LRP1B: variants seen among roughly 807,000 people sequenced by gnomAD.
LRP1B encodes low-density lipoprotein receptor-related protein 1B.
In LRP1B, 217 loss-of-function variants were observed where a neutral mutation model predicts 556.6. The ratio of observed to expected loss-of-function variants is 0.39; its 90% CI spans 0.35 to 0.44. The LOEUF is 0.44. Among genes scored for constraint, LRP1B ranks in the 20% least tolerant of loss-of-function variants. LRP1B has a pLI of 1.00. For synonymous variants in LRP1B, 2,047 were observed against 1,865.8 expected, an observed-to-expected ratio of 1.10 and a Z score of -2.50; for missense variants, 5,053 against 5,620.8, an observed-to-expected ratio of 0.90 and a Z score of 3.23.
At chr2:141,562,414 G>A (rs966676523) in intron 2 of LRP1B, among the ~76,000 whole-genome samples, 1 of 151,870 alleles carries the variant, frequency 6.6e-6, no homozygotes, top group Non-Finnish European at 1.5e-5. Context: ...TACTCCCTCA[G>A]TATAGTACTA....
At chr2:140,405,996 A>G (rs904133223) in intron 66 of LRP1B, among the ~76,000 whole-genome samples, 9 of 152,204 alleles carry the variant, frequency 5.9e-5, no homozygotes, top group African/African-American at 2.2e-4. Context: ...ATACATCATG[A>G]GCAAGTGTGT....
intron 81 of LRP1B, among the ~76,000 whole-genome samples, chr2:140,323,432 G>T (rs1035107396): frequency 1.3e-5 from 2 of 151,770 alleles, no homozygotes; most frequent in African/African-American, 2.4e-5. Flanking sequence ...GAGTCAAAAT[G>T]GCTAACAATA....
At chr2:140,325,665 C>T (rs2105063589) in intron 80 of LRP1B, 97 bp downstream of exon 80, 1 of 766,872 alleles carries the variant, frequency 1.3e-6, no homozygotes, top group East Asian at 2.8e-5. Flanking sequence ...TTAAGAAAAT[C>T]CAGAATGCAA....
chr2:142,024,923 CAAAT>C (rs577881563), intron 1 of LRP1B, among the ~76,000 whole-genome samples: 60 of 152,042 alleles, frequency 3.9e-4, no homozygotes, highest in African/African-American at 1.4e-3. Flanking sequence ...AAAGAGAATA[CAAAT>C]AAATAGTGTT....
intron 11 of LRP1B, among the ~76,000 whole-genome samples, chr2:141,025,563 A>G (rs1364761940): frequency 6.6e-6 from 1 of 152,078 alleles, no homozygotes; most frequent in Admixed American, 6.6e-5. Context: ...AGGCCTTAAG[A>G]ATAGATTGGG....
intron 2 of LRP1B, among the ~76,000 whole-genome samples, chr2:141,518,636 G>C (rs1172478965): frequency 1.1e-4 from 16 of 152,158 alleles, no homozygotes; most frequent in Non-Finnish European, 1.5e-4. Flanking sequence ...CTTCCAACGT[G>C]AGTGGTGATA....
chr2:141,862,845 A>G (rs1698292016), intron 1 of LRP1B, among the ~76,000 whole-genome samples: 1 of 152,234 alleles, frequency 6.6e-6, no homozygotes, highest in Non-Finnish European at 1.5e-5. Flanking sequence ...GAATACACCC[A>G]CAAATTTCCC....
chr2:141,131,877 A>G (rs1230893942), intron 7 of LRP1B, among the ~76,000 whole-genome samples: 1 of 151,650 alleles, frequency 6.6e-6, no homozygotes, highest in Non-Finnish European at 1.5e-5. Context: ...AATAGTTGTT[A>G]TTTGGTTACA....
intron 7 of LRP1B, among the ~76,000 whole-genome samples, chr2:141,065,725 A>T (rs915560905): frequency 1.3e-5 from 2 of 151,890 alleles, no homozygotes; most frequent in African/African-American, 4.8e-5. Context: ...AAAATTACAC[A>T]AAAAGGAATT....
chr2:140,263,067 G>C (rs1682021231), intron 86 of LRP1B, among the ~76,000 whole-genome samples: 1 of 151,972 alleles, frequency 6.6e-6, no homozygotes, highest in South Asian at 2.1e-4. Flanking sequence ...AGAACCACAG[G>C]CGCACACCAC....
chr2:141,257,772 G>A (rs192879018), intron 3 of LRP1B, among the ~76,000 whole-genome samples: 33 of 152,304 alleles, frequency 2.2e-4, no homozygotes, highest in African/African-American at 5.5e-4. Context: ...CTAACAGATC[G>A]TGAAGAACCA....
At chr2:141,755,909 T>C (rs1026092447) in intron 2 of LRP1B, among the ~76,000 whole-genome samples, 4 of 152,014 alleles carry the variant, frequency 2.6e-5, no homozygotes, top group African/African-American at 9.7e-5. Context: ...TTAAAAAAGG[T>C]AAATACAGCA....
At chr2:141,818,671 G>C (rs898197982) in intron 1 of LRP1B, among the ~76,000 whole-genome samples, 1 of 149,508 alleles carries the variant, frequency 6.7e-6, no homozygotes, top group African/African-American at 2.5e-5. Context: ...CGAGTAGCTA[G>C]GACTACAGGC....
chr2:140,784,376 C>CCACACACACA (rs143661527), intron 32 of LRP1B, among the ~76,000 whole-genome samples: 7,233 of 126,568 alleles, frequency 0.057, 287 homozygotes, highest in East Asian at 0.093. Context: ...GATTCTGCCT[C>CCACACACACA]CACACACACA....
At chr2:140,537,987 G>C (rs1285164291) in intron 45 of LRP1B, among the ~76,000 whole-genome samples, 1 of 151,998 alleles carries the variant, frequency 6.6e-6, no homozygotes, top group Non-Finnish European at 1.5e-5. Context: ...ATAATTGTAC[G>C]TTTAAATCCA....
At chr2:141,890,372 T>G in intron 1 of LRP1B, among the ~76,000 whole-genome samples, 1 of 93,886 alleles carries the variant, frequency 1.1e-5, no homozygotes, top group African/African-American at 4.5e-5. Context: ...TATATATATA[T>G]AGTGTGTATA....
chr2:141,375,141 A>T (rs913138665), intron 3 of LRP1B, among the ~76,000 whole-genome samples: 1 of 152,116 alleles, frequency 6.6e-6, no homozygotes, highest in Admixed American at 6.5e-5. Flanking sequence ...TTAGCAATAC[A>T]CATAGGTCAG....
At chr2:141,123,918 A>G (rs55711805) in intron 7 of LRP1B, among the ~76,000 whole-genome samples, 23,258 of 152,122 alleles carry the variant, frequency 0.15, 1,984 homozygotes, top group African/African-American at 0.23. Context: ...ACTGTGGCAC[A>G]TCTCAGCTGG....
chr2:140,790,940 A>T (rs113849218), intron 32 of LRP1B, among the ~76,000 whole-genome samples: 13 of 143,278 alleles, frequency 9.1e-5, no homozygotes, highest in East Asian at 2.1e-4. Flanking sequence ...GTCTCTACAA[A>T]TTTTTTTTTT....
Sources: allele counts gnomAD v4.1 joint callset (sites outside exome capture counted in the v4.1 genomes callset), GRCh38; gene constraint gnomAD v4.1.1; transcripts MANE v1.5; gene names NCBI Gene and HGNC (gene_info 2026-07-23, HGNC 2026-07-21).